The following UGDH variants were observed in gnomAD, a reference collection of about 807,000 sequenced individuals.
The protein encoded by UGDH is UDP-Glc dehydrogenase.
Under a neutral mutation model 50.6 loss-of-function variants are expected in UGDH, and 38 were observed. The ratio of observed to expected loss-of-function variants is 0.75; its 90% CI spans 0.58 to 0.98. The LOEUF (loss-of-function observed/expected upper bound fraction) is 0.98, where lower values mean the gene tolerates loss of function less well. Among genes scored for constraint, UGDH ranks in the 50% least tolerant of loss-of-function variants. The probability of loss-of-function intolerance (pLI) is 0.00; values close to 1 mark genes in which losing one functional copy is unlikely to be tolerated. For missense variants in UGDH, 465 were observed against 606.2 expected (o/e 0.77, Z 2.45); for synonymous variants, 168 against 199.9 (o/e 0.84, Z 1.35).
chr4:39,521,581 T>A, intron 1 of UGDH, 62 bp from the exon 2 acceptor site: 2 of 1,311,024 alleles, frequency 1.5e-6, no homozygotes, highest in Non-Finnish European at 1.0e-6. Flanking sequence ...GAAATAATAT[T>A]GTACATTAAT....
intron 1 of UGDH, among the ~76,000 whole-genome samples, chr4:39,524,150 C>T (rs1042657786): frequency 3.9e-5 from 6 of 152,144 alleles, no homozygotes; most frequent in Admixed American, 3.9e-4. Flanking sequence ...TTTAGGGTTA[C>T]CACTTAATCT....
rs1355977627 is a variant in UGDH at position 39,510,699 on chromosome 4, T to C, written c.427A>G (p.Ile143Val). 1.2e-6 allele frequency: 2 copies of C among 1,614,276 alleles called. No homozygotes were observed. The highest frequency in any genetic ancestry group is 2.2e-5 in the South Asian group (2 of 91,090). The change falls in exon 4 of 12, where the codon ATA becomes GTA. Residue 143 changes from isoleucine (I) to valine (V), a missense_variant. Physicochemically the swap from Ile to Val is conservative, Grantham distance 29. Coordinates refer to ENST00000316423, the MANE Select transcript of UGDH (RefSeq NM_003359.4). ...PVRAAESIRR[I>V]FDANTKPNLN... ...TTGGGTTTTGTGTTTGCATCAAATA[T>C]GCGACGGATACTTTCTGCTGCCCGC...
chr4:39,510,524 T>C lies in UGDH; in HGVS notation c.492A>G (p.Ala164=). ...LQVLSNPEFL[A]EGTAIKDLKN... ...TTAGGTCCTTGATGGCTGTTCCCTC[T>C]GCCAGAAACTCAGGGTTGGACAGCA... The change falls in exon 5 of 12, where the codon GCA becomes GCG. Residue 164 remains alanine (A), a synonymous_variant. Coordinates refer to ENST00000316423, the MANE Select transcript of UGDH (RefSeq NM_003359.4). The C allele has an allele frequency of 6.2e-7, 1 of 1,614,206 alleles. No individual in the cohort carries two copies. Among genetic ancestry groups the C allele is most frequent in the Non-Finnish European group, 8.5e-7 (1 of 1,180,032 alleles).
intron 1 of UGDH, among the ~76,000 whole-genome samples, chr4:39,522,605 G>C (rs1302160028): frequency 1.3e-5 from 2 of 152,056 alleles, no homozygotes; most frequent in Non-Finnish European, 2.9e-5. Flanking sequence ...ATTTTCGTTT[G>C]GTTCTCTGGA....
chr4:39,510,935 G>A lies in UGDH; in HGVS notation c.265-74C>T, dbSNP rs538009313. The stretch of plus-strand genomic sequence containing the variant: ...TTTCAAGATATACCCTGAACTACTG[G>A]TTAAAGTGTGGAGTTAACAATCATC... On this transcript the variant is annotated intron_variant, in intron 3 of 11. Transcript: ENST00000316423. 5.8e-5 allele frequency: 85 copies of A among 1,470,092 alleles called. No individual in the cohort carries two copies. In the East Asian group the frequency reaches 1.6e-3, roughly 28 times the overall value. The allele number at this position is 1,470,092 out of a possible 1,614,324, so 91.1% of individuals were successfully genotyped here.
chr4:39,523,045 G>A (rs918437843), intron 1 of UGDH, among the ~76,000 whole-genome samples: 4 of 152,082 alleles, frequency 2.6e-5, no homozygotes, highest in African/African-American at 9.7e-5. Context: ...ACAGGCATGA[G>A]CCACCACGGT....
At chr4:39,508,806 T>G in intron 6 of UGDH, 146 bp from the exon 7 acceptor site, 1 of 671,570 alleles carries the variant, frequency 1.5e-6, no homozygotes, top group African/African-American at 2.0e-5. Context: ...GGCTTATAAA[T>G]TATGTAAAAT....
At chr4:39,516,389 A>G (rs190557635) in intron 2 of UGDH, among the ~76,000 whole-genome samples, 68 of 152,368 alleles carry the variant, frequency 4.5e-4, no homozygotes, top group Admixed American at 2.5e-3. Context: ...GGCCACGTAG[A>G]TAACTGTTGA....
chr4:39,515,132 C>T (rs1227314300), intron 2 of UGDH, among the ~76,000 whole-genome samples: 1 of 152,138 alleles, frequency 6.6e-6, no homozygotes, highest in Non-Finnish European at 1.5e-5. Context: ...AGTTACCACG[C>T]CCTGCCTCAT....
At chr4:39,511,542 C>A (rs1393287372) in intron 3 of UGDH, among the ~76,000 whole-genome samples, 1 of 152,022 alleles carries the variant, frequency 6.6e-6, no homozygotes, top group Non-Finnish European at 1.5e-5. Flanking sequence ...GGATTACAGG[C>A]GTGAGCCACC....
rs10021786 is a variant in UGDH at position 39,514,035 on chromosome 4, T to C, written c.264+48A>G. On this transcript the variant is annotated intron_variant, in intron 3 of 11. Transcript: ENST00000316423. ...CTATTAAAGTATGATGAAACTTTTA[T>C]ATAGACAAGAATACATTAAAATTCA... The C allele has an allele frequency of 0.13, 180,673 of 1,434,450 alleles. 17,863 individuals carry two copies. The highest frequency in any genetic ancestry group is 0.43 in the African/African-American group (29,671 of 68,720). The allele number at this position is 1,434,450 out of a possible 1,614,324, so 88.9% of individuals were successfully genotyped here. A position where few individuals can be genotyped will look rare whatever the true frequency, so the allele number is the denominator to read the frequency against.
rs1429396916 is a variant in UGDH, at chr4:39,527,274, G to A, written c.-8+9C>T. 6.1e-5 allele frequency: 27 copies of A among 439,098 alleles called. No individual in the cohort carries two copies. The highest frequency in any genetic ancestry group is 1.1e-4 in the Non-Finnish European group (27 of 255,084). 27.2% of individuals were successfully genotyped at this position (439,098 alleles called of 1,614,324 possible). On this transcript the variant is annotated intron_variant, in intron 1 of 11. Transcript: ENST00000316423. ...CGGGCGGCGGGGCCAGCCTGGGAGC[G>A]GCGCTTACCCACTTCCCAGCAGCAA...
chr4:39,512,917 G>A (rs563706208), intron 3 of UGDH, among the ~76,000 whole-genome samples: 12 of 151,536 alleles, frequency 7.9e-5, no homozygotes, highest in Middle Eastern at 3.4e-3. Flanking sequence ...AACCTCCAGG[G>A]TTCAATCAAT....
At position 39,509,917 on chromosome 4, in the gene UGDH, A is replaced by AC. The variant is rs1345362982; in HGVS notation, c.664-11_664-10insG. The stretch of plus-strand genomic sequence containing the variant: ...GAAAAGCATTTGCTGCCTTAAAAAA[A>AC]AAAAACATAGAGAAGAGTAAGATAA... On this transcript the variant is annotated splice_polypyrimidine_tract_variant and intron_variant, in intron 5 of 11. Coordinates refer to ENST00000316423, the MANE Select transcript of UGDH (RefSeq NM_003359.4). 2.5e-6 allele frequency: 4 copies of AC among 1,575,946 alleles called. No individual in the cohort carries two copies. The highest frequency in any genetic ancestry group is 1.4e-5 in the African/African-American group (1 of 72,638).
In UGDH at chr4:39,499,923, G is replaced by A; in HGVS notation, c.*220C>T. 3.0e-6 allele frequency: 1 copy of A among 338,774 alleles called. No homozygotes were observed. The highest frequency in any genetic ancestry group is 6.9e-5 in the South Asian group (1 of 14,542). 21.0% of individuals were successfully genotyped at this position (338,774 alleles called of 1,614,324 possible). ...CGGGTGCCTGTAGTCCCAGCTACTT[G>A]GGAGGCTGAGCCAGGAGAATGGCGT... On this transcript the variant is annotated 3_prime_UTR_variant, in exon 12 of 12. Transcript: ENST00000316423.
chr4:39,522,337 G>T (rs1175121191), intron 1 of UGDH, among the ~76,000 whole-genome samples: 2 of 152,166 alleles, frequency 1.3e-5, no homozygotes, highest in African/African-American at 4.8e-5. Context: ...TAAAAGCAAA[G>T]AATGGTTTTG....
intron 6 of UGDH, 25 bp downstream of exon 6, chr4:39,509,735 C>T (rs1399683602): frequency 6.3e-7 from 1 of 1,597,290 alleles, no homozygotes; most frequent in East Asian, 2.2e-5. Context: ...CTAGCTCTTT[C>T]TACTAGAGAA....
intron 8 of UGDH, 73 bp downstream of exon 8, chr4:39,505,545 A>C (rs2109921146): frequency 2.1e-6 from 3 of 1,402,040 alleles, no homozygotes; most frequent in Non-Finnish European, 9.4e-7. Flanking sequence ...ATGTACACCT[A>C]CCCCAATCAA....
chr4:39,521,375 A>C lies in UGDH; in HGVS notation c.138T>G (p.Asn46Lys). The C allele has an allele frequency of 6.2e-7, 1 of 1,610,570 alleles. No homozygotes were observed. The highest frequency in any genetic ancestry group is 1.3e-5 in the African/African-American group (1 of 74,954). ...CCTCATAAATAGGAAGTGTAGGAGA[A>C]TTCCACGCATTGATTCTTGATTCAT... is the stretch of plus-strand genomic sequence containing the variant. The part of the protein sequence containing the change: ...DVNESRINAW[N>K]SPTLPIYEPG... The change falls in exon 2 of 12, where the codon AAT becomes AAG. Residue 46 changes from asparagine (N) to lysine (K), a missense_variant. Transcript: ENST00000316423.
Sources: allele counts gnomAD v4.1 joint callset (sites outside exome capture counted in the v4.1 genomes callset), GRCh38; gene constraint gnomAD v4.1.1; transcripts MANE v1.5; gene names NCBI Gene and HGNC (gene_info 2026-07-23, HGNC 2026-07-21).